DPP6: variants seen among roughly 807,000 people sequenced by gnomAD.
DPP6 encodes A-type potassium channel modulatory protein DPP6.
A neutral mutation model predicts 122.6 loss-of-function variants in DPP6; 69 were observed. The ratio of observed to expected loss-of-function variants is 0.56; its 90% CI spans 0.46 to 0.69. The LOEUF (loss-of-function observed/expected upper bound fraction) is 0.69. Among genes scored for constraint, DPP6 ranks in the 30% least tolerant of loss-of-function variants. The probability of loss-of-function intolerance (pLI) is 0.00; values close to 1 mark genes in which losing one functional copy is unlikely to be tolerated. For missense variants in DPP6, 928 were observed against 1,116.9 expected (o/e 0.83, Z 2.41); for synonymous variants, 418 against 433.1 (o/e 0.97, Z 0.43).
At chr7:153,861,538 G>C in the DPP6 span, among the ~76,000 whole-genome samples, 1 of 152,198 alleles carries the variant, frequency 6.6e-6, no homozygotes, top group East Asian at 1.9e-4. Context: ...GCCAGGAATT[G>C]GGTTTGAAAG....
intron 2 of DPP6, among the ~76,000 whole-genome samples, chr7:154,446,924 C>G (rs542685083): frequency 6.6e-6 from 1 of 152,082 alleles, no homozygotes; most frequent in Non-Finnish European, 1.5e-5. Context: ...GAAGGTAGTA[C>G]GTAAAGTGGG....
At chr7:154,202,355 C>T (rs766342324) in intron 1 of DPP6, among the ~76,000 whole-genome samples, 19 of 152,162 alleles carry the variant, frequency 1.2e-4, no homozygotes, top group Non-Finnish European at 2.1e-4. Context: ...AGAAAACAGA[C>T]AACCATGGCC....
intron 1 of DPP6, among the ~76,000 whole-genome samples, chr7:154,006,647 C>G (rs1009534100): frequency 6.6e-6 from 1 of 152,138 alleles, no homozygotes; most frequent in African/African-American, 2.4e-5. Context: ...GTTATTTTAC[C>G]TATCTGTGCT....
chr7:154,718,830 G>A (rs1302974996), intron 7 of DPP6, among the ~76,000 whole-genome samples: 1 of 151,970 alleles, frequency 6.6e-6, no homozygotes, highest in African/African-American at 2.4e-5. Context: ...AGTAGAGACA[G>A]GTTTTCACTG....
intron 1 of DPP6, among the ~76,000 whole-genome samples, chr7:153,985,133 T>C (rs1796777733): frequency 6.6e-6 from 1 of 152,230 alleles, no homozygotes; most frequent in Admixed American, 6.5e-5. Flanking sequence ...TGATGTGTCT[T>C]TCTATTTTCC....
intron 16 of DPP6, among the ~76,000 whole-genome samples, chr7:154,843,862 C>T (rs1267273948): frequency 6.6e-6 from 1 of 152,224 alleles, no homozygotes; most frequent in African/African-American, 2.4e-5. Context: ...GGTGGTTGTA[C>T]TGGCCACATG....
chr7:153,963,434 T>C (rs1384845956), intron 1 of DPP6, among the ~76,000 whole-genome samples: 2 of 146,564 alleles, frequency 1.4e-5, no homozygotes, highest in African/African-American at 4.9e-5. Context: ...TGGTATTTAG[T>C]GCTCCTAGGG....
At chr7:154,674,706 G>T (rs1034286662) in intron 7 of DPP6, among the ~76,000 whole-genome samples, 1 of 152,198 alleles carries the variant, frequency 6.6e-6, no homozygotes, top group Non-Finnish European at 1.5e-5. Flanking sequence ...CGCAGAGAGC[G>T]TCAAAATGTG....
At chr7:154,494,857 T>A (rs1563758631) in intron 3 of DPP6, among the ~76,000 whole-genome samples, 1 of 152,186 alleles carries the variant, frequency 6.6e-6, no homozygotes, top group Non-Finnish European at 1.5e-5. Context: ...GACGTTGTCC[T>A]CAGGTACTTG....
Position 154,326,585 on chromosome 7 carries a change from G to A in DPP6, c.244-119629G>A, listed in dbSNP as rs184419033. 9.1e-4 allele frequency among the ~76,000 whole-genome samples: 139 copies of A among 152,316 alleles called. 1 individual carries two copies. Among genetic ancestry groups the A allele is most frequent in the African/African-American group, 3.2e-3 (135 of 41,570 alleles). On this transcript the variant is annotated intron_variant, in intron 1 of 25. Coordinates refer to ENST00000377770, the MANE Select transcript of DPP6 (RefSeq NM_130797.4). ...CTAATTTACACAGTGTTGTATGTTT[G>A]TCAAGAATGCATAATTCTGCCAGTC...
chr7:154,271,316 A>G (rs944108122), intron 1 of DPP6, among the ~76,000 whole-genome samples: 1 of 151,810 alleles, frequency 6.6e-6, no homozygotes, highest in Non-Finnish European at 1.5e-5. Context: ...GACAAAAATG[A>G]CAGCTCTACT....
chr7:154,678,850 T>C (rs1839101402), intron 7 of DPP6, among the ~76,000 whole-genome samples: 1 of 152,220 alleles, frequency 6.6e-6, no homozygotes, highest in Admixed American at 6.5e-5. Context: ...CTTAGTCTGT[T>C]AACTGAAGTA....
At chr7:154,824,055 A>G (rs575891542) in intron 16 of DPP6, among the ~76,000 whole-genome samples, 2 of 152,226 alleles carry the variant, frequency 1.3e-5, no homozygotes, top group Admixed American at 1.3e-4. Context: ...GACAAAGTCA[A>G]TTCCATTCTT....
intron 6 of DPP6, among the ~76,000 whole-genome samples, chr7:154,658,563 G>A (rs550179152): frequency 2.4e-4 from 37 of 152,280 alleles, no homozygotes; most frequent in African/African-American, 8.7e-4. Flanking sequence ...CAGGGAAGCA[G>A]GGACCCTGGG....
At chr7:154,771,100 T>C (rs1433721946) in intron 9 of DPP6, among the ~76,000 whole-genome samples, 1 of 152,232 alleles carries the variant, frequency 6.6e-6, no homozygotes, top group Non-Finnish European at 1.5e-5. Context: ...ATGTGCCTGC[T>C]CTGCCATAAT....
intron 8 of DPP6, among the ~76,000 whole-genome samples, chr7:154,732,181 A>G (rs1463741449): frequency 6.7e-6 from 1 of 148,710 alleles, no homozygotes; most frequent in African/African-American, 2.5e-5. Flanking sequence ...TGGGACTAAC[A>G]GGCGCCTGCC....
chr7:154,703,230 G>A (rs6966326), intron 7 of DPP6, among the ~76,000 whole-genome samples: 37,097 of 152,194 alleles, frequency 0.24, 4,885 homozygotes, highest in Admixed American at 0.33. Context: ...GATGCACAAG[G>A]AGATAAATGT....
In DPP6 at chr7:153,975,451, C is replaced by T. The variant is rs55825249; in HGVS notation, c.51+87717C>T. Among the ~76,000 whole-genome samples the T allele has an allele frequency of 1.1e-3, 164 of 150,950 alleles. 1 individual carries two copies. The highest frequency in any genetic ancestry group is 3.8e-3 in the African/African-American group (156 of 40,958). ...TCAGGAAAGTGGGGATCATTTTACC[C>T]AGTGGCCTTGCAAGTTTCACAGCAA... is the stretch of plus-strand genomic sequence containing the variant. On this transcript the variant is annotated intron_variant, in intron 1 of 25. Transcript: ENST00000404039.
At chr7:154,855,757 A>G (rs1260908402) in intron 17 of DPP6, among the ~76,000 whole-genome samples, 1 of 152,218 alleles carries the variant, frequency 6.6e-6, no homozygotes, top group Non-Finnish European at 1.5e-5. Flanking sequence ...CACCTGTGCT[A>G]GACCTCTTTA....
Sources: gnomAD v4.1 joint callset for allele counts (sites outside exome capture counted in the v4.1 genomes callset) on GRCh38, gnomAD v4.1.1 for gene constraint, MANE v1.5 for transcripts, NCBI Gene and HGNC (gene_info 2026-07-23, HGNC 2026-07-21) for gene names.